The following SLC17A2 variants were observed in gnomAD, a reference collection of about 807,000 sequenced individuals.
The protein encoded by SLC17A2 is sodium-dependent phosphate transport protein 3.
In SLC17A2, 38 loss-of-function variants were observed where a neutral mutation model predicts 52.1. That is an observed-to-expected ratio of 0.73 (90% CI 0.56 to 0.96). The LOEUF is 0.96. Among genes scored for constraint, SLC17A2 ranks in the 40% least tolerant of loss-of-function variants. The pLI is 0.00. For missense variants in SLC17A2, 508 were observed against 583.9 expected (o/e 0.87, Z 1.34); for synonymous variants, 226 against 211.9 (o/e 1.07, Z -0.58).
intron 1 of SLC17A2, among the ~76,000 whole-genome samples, chr6:25,926,354 T>C (rs1766764970): frequency 6.6e-6 from 1 of 152,206 alleles, no homozygotes; most frequent in African/African-American, 2.4e-5. Context: ...CAATGTTCCA[T>C]GTGCCTTCGA....
Position 25,913,269 on chromosome 6 carries a change from T to C in SLC17A2, c.*48A>G. ...AATATGGAGAGAAGTAAAAAATGTT[T>C]AAAAAGTTCATGCTCAGTACCACAT... On this transcript the variant is annotated 3_prime_UTR_variant, in exon 12 of 12. Coordinates refer to ENST00000377850, the MANE Select transcript of SLC17A2 (RefSeq NM_001286123.3). 1 of 1,606,638 alleles carries C rather than the reference T, an allele frequency of 6.2e-7. No individual in the cohort carries two copies. Among genetic ancestry groups the C allele is most frequent in the Middle Eastern group, 1.7e-4 (1 of 6,052 alleles).
chr6:25,929,938 G>A (rs772511603), intron 1 of SLC17A2, among the ~76,000 whole-genome samples: 4 of 152,002 alleles, frequency 2.6e-5, no homozygotes, highest in Admixed American at 2.6e-4. Flanking sequence ...TAGCTGGCAC[G>A]CGCACTATGC....
At position 25,930,624 on chromosome 6, in the gene SLC17A2, C is replaced by G. The variant is rs1370881211; in HGVS notation, c.-431G>C. 4 of 152,196 alleles carry G rather than the reference C, an allele frequency of 2.6e-5. No individual in the cohort carries two copies. Among genetic ancestry groups the G allele is most frequent in the Non-Finnish European group, 5.9e-5 (4 of 68,030 alleles). The allele number at this position is 152,196 out of a possible 1,614,324, so 9.4% of individuals were successfully genotyped here. On this transcript the variant is annotated 5_prime_UTR_variant, in exon 1 of 12. Transcript: ENST00000377850. ...GAGTTTTCTGTCCCTTCTTCCCTTT[C>G]AAATACTTTTGCAGATTTTTACAGG...
At chr6:25,916,873 A>G (rs780549258) in intron 7 of SLC17A2, 27 bp from the exon 8 acceptor site, 6 of 1,613,726 alleles carry the variant, frequency 3.7e-6, no homozygotes, top group South Asian at 1.1e-5. Context: ...AATCAGCATG[A>G]GTATTAGAGC....
intron 6 of SLC17A2, 42 bp downstream of exon 6, chr6:25,918,445 T>C (rs763386192): frequency 1.5e-6 from 2 of 1,367,978 alleles, no homozygotes; most frequent in Non-Finnish European, 2.1e-6. Context: ...AAATGGATGC[T>C]CAGGAAATGG....
intron 1 of SLC17A2, among the ~76,000 whole-genome samples, chr6:25,929,975 G>A (rs1203304881): frequency 1.3e-5 from 2 of 152,054 alleles, no homozygotes; most frequent in Non-Finnish European, 2.9e-5. Flanking sequence ...GCGCCGCTAC[G>A]CCCTGCTAAT....
At chr6:25,919,482 C>T (rs900019003) in intron 5 of SLC17A2, among the ~76,000 whole-genome samples, 5 of 151,394 alleles carry the variant, frequency 3.3e-5, no homozygotes, top group Admixed American at 1.3e-4. Flanking sequence ...CCGAGGCGGG[C>T]GGATCACGAG....
At chr6:25,926,551 G>A (rs1766771622) in intron 1 of SLC17A2, among the ~76,000 whole-genome samples, 1 of 152,118 alleles carries the variant, frequency 6.6e-6, no homozygotes, top group Admixed American at 6.6e-5. Context: ...TATTGTGACA[G>A]GCAAAGAGAA....
chr6:25,921,680 T>C (rs1259355788), intron 3 of SLC17A2, among the ~76,000 whole-genome samples: 1 of 152,162 alleles, frequency 6.6e-6, no homozygotes, highest in Non-Finnish European at 1.5e-5. Context: ...GAAGAAAACA[T>C]TGAGAGATAT....
In SLC17A2 at chr6:25,920,996, G is replaced by A. The variant is rs757469354; in HGVS notation, c.562+10C>T. 6 of 1,612,526 alleles carry A rather than the reference G, an allele frequency of 3.7e-6. No individual in the cohort carries two copies. The highest frequency in any genetic ancestry group is 4.2e-6 in the Non-Finnish European group (5 of 1,178,652). ...GATGACAAAGCTATGACCCATCTGT[G>A]CACACTTACCTGATCCTGCAATGGT... On this transcript the variant is annotated intron_variant, in intron 5 of 11. Transcript: ENST00000377850.
At chr6:25,922,758 T>C (rs1766604849) in intron 3 of SLC17A2, among the ~76,000 whole-genome samples, 2 of 152,184 alleles carry the variant, frequency 1.3e-5, no homozygotes, top group South Asian at 4.1e-4. Flanking sequence ...GGTTTTCATA[T>C]AAATGTAAAA....
chr6:25,925,706 T>A (rs1454979232), intron 2 of SLC17A2, 63 bp downstream of exon 2: 1 of 1,441,548 alleles, frequency 6.9e-7, no homozygotes, highest in Non-Finnish European at 9.8e-7. Context: ...CAGAGATGTG[T>A]AAATGTGTCG....
Position 25,925,740 on chromosome 6 carries a change from T to C in SLC17A2, c.28+29A>G, listed in dbSNP as rs749111145. The C allele has an allele frequency of 1.9e-6, 3 of 1,605,998 alleles. No homozygotes were observed. The Admixed American group carries it at 5.0e-5, about 27-fold the overall frequency. ...CGGAATAAGCTTCAGCTTATTAACA[T>C]AGCCTGCAAACAAGAGCAGTGGCTT... is the stretch of plus-strand genomic sequence containing the variant. On this transcript the variant is annotated intron_variant, in intron 2 of 11. Transcript: ENST00000377850.
At chr6:25,929,564 A>C (rs1342374614) in intron 1 of SLC17A2, among the ~76,000 whole-genome samples, 1 of 152,226 alleles carries the variant, frequency 6.6e-6, no homozygotes, top group African/African-American at 2.4e-5. Context: ...TGGAATCCTC[A>C]AGATGAGTGG....
chr6:25,926,569 C>G (rs1292456753), intron 1 of SLC17A2, among the ~76,000 whole-genome samples: 1 of 152,122 alleles, frequency 6.6e-6, no homozygotes, highest in African/African-American at 2.4e-5. Flanking sequence ...GAATTCATGG[C>G]TCTAAATATG....
At chr6:25,915,149 G>GTGTATATATATA (rs749697702) in intron 10 of SLC17A2, among the ~76,000 whole-genome samples, 32 of 57,898 alleles carry the variant, frequency 5.5e-4, no homozygotes, top group Admixed American at 8.4e-4. Flanking sequence ...TATTGTGACT[G>GTGTATATATATA]TATATATATA....
At chr6:25,917,682 C>A (rs1766380828) in intron 6 of SLC17A2, among the ~76,000 whole-genome samples, 1 of 152,144 alleles carries the variant, frequency 6.6e-6, no homozygotes, top group African/African-American at 2.4e-5. Context: ...TTAATGACAC[C>A]ATTTGGCTAT....
At chr6:25,914,465 A>G (rs1766223241) in intron 11 of SLC17A2, 115 bp downstream of exon 11, 1 of 689,460 alleles carries the variant, frequency 1.5e-6, no homozygotes, top group Non-Finnish European at 2.6e-6. Flanking sequence ...TCTGATTTAG[A>G]GGCTCATGTA....
chr6:25,921,771 T>G (rs1766571208), intron 3 of SLC17A2, among the ~76,000 whole-genome samples: 1 of 152,108 alleles, frequency 6.6e-6, no homozygotes, highest in African/African-American at 2.4e-5. Context: ...AAGAATTTTT[T>G]AAAACACACA....
Sources: gnomAD v4.1 joint callset for allele counts (sites outside exome capture counted in the v4.1 genomes callset) on GRCh38, gnomAD v4.1.1 for gene constraint, MANE v1.5 for transcripts, NCBI Gene and HGNC (gene_info 2026-07-23, HGNC 2026-07-21) for gene names.